The following SUCO variants were observed in gnomAD, a reference collection of about 807,000 sequenced individuals.
SUCO encodes SUN domain containing ossification factor.
In SUCO, 57 loss-of-function variants were observed where a neutral mutation model predicts 148.1. That is an observed-to-expected ratio of 0.38 (90% CI 0.31 to 0.48). SUCO has a LOEUF of 0.48. Ranked by LOEUF, SUCO falls within the 20% of genes least tolerant of loss-of-function variation. The probability of loss-of-function intolerance (pLI) is 0.96; values close to 1 mark genes in which losing one functional copy is unlikely to be tolerated. For synonymous variants in SUCO, 470 were observed against 502.7 expected, an observed-to-expected ratio of 0.93 and a Z score of 0.87; for missense variants, 1,331 against 1,468.2, an observed-to-expected ratio of 0.91 and a Z score of 1.53.
At chr1:172,572,289 C>G (rs950031847) in intron 9 of SUCO, among the ~76,000 whole-genome samples, 2 of 151,506 alleles carry the variant, frequency 1.3e-5, no homozygotes, top group African/African-American at 4.8e-5. Context: ...ATTGAGAAAT[C>G]GGATGGTTGC....
chr1:172,553,381 T>C lies in SUCO; in HGVS notation c.288+11T>C. 6.5e-7 allele frequency: 1 copy of C among 1,548,314 alleles called. No homozygotes were observed. The highest frequency in any genetic ancestry group is 8.8e-7 in the Non-Finnish European group (1 of 1,134,610). On this transcript the variant is annotated intron_variant, in intron 3 of 23. Transcript: ENST00000263688. ...ATTGTGGATGTACAAGTAAGCTATGTCGCTTTGATTTTCAATAATATGTCA... is the reference window on the plus strand; with the variant it reads ...ATTGTGGATGTACAAGTAAGCTATGCCGCTTTGATTTTCAATAATATGTCA...
rs151218832 is a variant in SUCO, at chr1:172,598,993, A to C, written c.2914-1071A>C. ...TTTAAAAAAGTTTTTGAATCAAAATATGAAAAACTTAGGTCTAGAATAATA... is the reference window on the plus strand; with the variant it reads ...TTTAAAAAAGTTTTTGAATCAAAATCTGAAAAACTTAGGTCTAGAATAATA... On this transcript the variant is annotated intron_variant, in intron 19 of 23. Coordinates refer to ENST00000263688, the MANE Select transcript of SUCO (RefSeq NM_014283.5). Among the ~76,000 whole-genome samples, 131 of 152,334 alleles carry C rather than the reference A, an allele frequency of 8.6e-4. No individual in the cohort carries two copies. In the Middle Eastern group the frequency reaches 0.017, roughly 20 times the overall value.
At chr1:172,585,364 C>T (rs757382623) in intron 16 of SUCO, 1 of 162,930 alleles carries the variant, frequency 6.1e-6, no homozygotes, top group Non-Finnish European at 1.3e-5. Flanking sequence ...TATCTCTTTA[C>T]CGAGATTTTG....
intron 20 of SUCO, among the ~76,000 whole-genome samples, chr1:172,600,908 A>G (rs1029468920): frequency 6.6e-6 from 1 of 152,182 alleles, no homozygotes; most frequent in African/African-American, 2.4e-5. Flanking sequence ...GAAACAGTGT[A>G]ATGTGTTTGA....
At chr1:172,580,818 T>C (rs1489814977) in intron 15 of SUCO, among the ~76,000 whole-genome samples, 1 of 152,132 alleles carries the variant, frequency 6.6e-6, no homozygotes, top group African/African-American at 2.4e-5. Context: ...AACCTAACCA[T>C]AGGCCAGGCA....
chr1:172,542,830 G>T (rs1357228489), intron 1 of SUCO: 2 of 985,290 alleles, frequency 2.0e-6, no homozygotes, highest in Non-Finnish European at 2.4e-6. Flanking sequence ...GGAAAGGATG[G>T]ATGGAAAGAG....
chr1:172,554,953 C>T (rs1046765759), intron 3 of SUCO, among the ~76,000 whole-genome samples: 80 of 151,858 alleles, frequency 5.3e-4, no homozygotes, highest in African/African-American at 1.9e-3. Context: ...CTGCGTGCCT[C>T]GATGTTTGTT....
At chr1:172,584,031 A>C (rs1323792957) in intron 15 of SUCO, among the ~76,000 whole-genome samples, 1 of 152,196 alleles carries the variant, frequency 6.6e-6, no homozygotes, top group East Asian at 1.9e-4. Flanking sequence ...CTTTTCATTA[A>C]TCTGCCCCAT....
At position 172,606,955 on chromosome 1, in the gene SUCO, A is replaced by G. The variant is rs1471035851; in HGVS notation, c.3266-1792A>G. 3.3e-5 allele frequency among the ~76,000 whole-genome samples: 5 copies of G among 151,974 alleles called. No individual in the cohort carries two copies. In the South Asian group the frequency reaches 1.0e-3, roughly 31 times the overall value. On this transcript the variant is annotated intron_variant, in intron 22 of 23. Coordinates refer to ENST00000263688, the MANE Select transcript of SUCO (RefSeq NM_014283.5). The stretch of plus-strand genomic sequence containing the variant: ...TCCAGGCCAGCAGTCTTACTGTTGC[A>G]AATTTATTCATTGGGTTTTCAATTT...
chr1:172,574,043 A>G (rs560470021), intron 10 of SUCO, 45 bp downstream of exon 10: 4 of 1,166,576 alleles, frequency 3.4e-6, no homozygotes. Context: ...TGGATCTCTG[A>G]AAAAAAGAAA....
intron 19 of SUCO, 54 bp from the exon 20 acceptor site, chr1:172,600,010 A>T: frequency 8.5e-7 from 1 of 1,179,290 alleles, no homozygotes; most frequent in Non-Finnish European, 1.2e-6. Flanking sequence ...TTCAATTTAT[A>T]ATGTTAATAG....
intron 2 of SUCO, chr1:172,552,631 T>G: frequency 1.0e-6 from 1 of 981,984 alleles, no homozygotes; most frequent in Non-Finnish European, 1.2e-6. Context: ...TTTAAAATTT[T>G]GAAGACTTGC....
chr1:172,611,333 T>C lies in SUCO; in HGVS notation c.*1074T>C, dbSNP rs966851877. The C allele has an allele frequency of 2.0e-5, 3 of 152,644 alleles. No individual in the cohort carries two copies. Among genetic ancestry groups the C allele is most frequent in the African/African-American group, 4.8e-5 (2 of 41,444 alleles). The allele number at this position is 152,644 out of a possible 1,614,324, so 9.5% of individuals were successfully genotyped here. ...CGATGTCTCTGTCTTTTTTTTTGTC[T>C]TTAAAAAATAATTGGCAGCAACTGT... On this transcript the variant is annotated 3_prime_UTR_variant, in exon 24 of 24. Transcript: ENST00000263688.
chr1:172,590,709 CAT>C lies in SUCO; in HGVS notation c.2826-274_2826-273del, dbSNP rs1491530956. ...CCATACATAGAATTAATTGGCTAATCATGTGTGTGTGTGTGTTCATGTGTAAC... is the reference window on the plus strand; with the variant it reads ...CCATACATAGAATTAATTGGCTAATCGTGTGTGTGTGTGTTCATGTGTAAC... On this transcript the variant is annotated intron_variant, in intron 18 of 23. Transcript: ENST00000263688. Among the ~76,000 whole-genome samples the C allele has an allele frequency of 9.2e-5, 14 of 152,166 alleles. No individual in the cohort carries two copies. The East Asian group carries it at 1.5e-3, about 17-fold the overall frequency.
chr1:172,582,099 T>C (rs1655919560), intron 15 of SUCO, among the ~76,000 whole-genome samples: 1 of 152,198 alleles, frequency 6.6e-6, no homozygotes, highest in East Asian at 1.9e-4. Flanking sequence ...TCTGCCTACT[T>C]TGATATTGGC....
At chr1:172,570,885 C>T (rs1291080416) in intron 9 of SUCO, 155 bp downstream of exon 9, 2 of 526,514 alleles carry the variant, frequency 3.8e-6, no homozygotes, top group African/African-American at 3.9e-5. Context: ...AAATGCCTTC[C>T]TTTCCTTTTG....
intron 4 of SUCO, 33 bp from the exon 5 acceptor site, chr1:172,557,247 T>G (rs1011546647): frequency 6.2e-7 from 1 of 1,603,350 alleles, no homozygotes; most frequent in Non-Finnish European, 8.5e-7. Context: ...GTTTATTTAA[T>G]TACCAGATTA....
chr1:172,575,439 A>T, intron 10 of SUCO, 79 bp from the exon 11 acceptor site: 1 of 1,034,994 alleles, frequency 9.7e-7, no homozygotes, highest in Non-Finnish European at 1.4e-6. Context: ...GAAAAAAATT[A>T]TATTTTGAAA....
intron 1 of SUCO, among the ~76,000 whole-genome samples, chr1:172,535,449 G>A (rs3768444): frequency 0.6 from 90,713 of 151,994 alleles, 27,579 homozygotes; most frequent in African/African-American, 0.7. Context: ...TGGGGAAGAG[G>A]AGTGGTACCT....
Sources: gnomAD v4.1 joint callset for allele counts (sites outside exome capture counted in the v4.1 genomes callset) on GRCh38, gnomAD v4.1.1 for gene constraint, MANE v1.5 for transcripts, NCBI Gene and HGNC (gene_info 2026-07-23, HGNC 2026-07-21) for gene names.